Variants in PTGFRN observed in about 807,000 individuals in gnomAD.
The protein encoded by PTGFRN is prostaglandin F2 receptor negative regulator.
PTGFRN carries 35 observed loss-of-function variants against 83.2 expected under a neutral mutation model. The ratio of observed to expected loss-of-function variants is 0.42; its 90% CI spans 0.32 to 0.56. The LOEUF (loss-of-function observed/expected upper bound fraction) is 0.56, where lower values mean the gene tolerates loss of function less well. Ranked by LOEUF, PTGFRN falls within the 20% of genes least tolerant of loss-of-function variation. The probability of loss-of-function intolerance (pLI) is 0.11; values close to 1 mark genes in which losing one functional copy is unlikely to be tolerated. For synonymous variants in PTGFRN, 519 were observed against 498.6 expected, an observed-to-expected ratio of 1.04 and a Z score of -0.55; for missense variants, 1,051 against 1,179.5, an observed-to-expected ratio of 0.89 and a Z score of 1.60.
Position 116,961,988 on chromosome 1 carries a change from G to A in PTGFRN, c.1639+320G>A, listed in dbSNP as rs1011254099. Among the ~76,000 whole-genome samples the A allele has an allele frequency of 6.6e-6, 1 of 152,108 alleles. No individual in the cohort carries two copies. Among genetic ancestry groups the A allele is most frequent in the Admixed American group, 6.5e-5 (1 of 15,280 alleles). ...CTCTGAGGACACTCTTTCCCCTGGA[G>A]AAACCGTTACCTCTCTGAGGACAGT... On this transcript the variant is annotated intron_variant, in intron 5 of 8. Transcript: ENST00000393203. The surrounding 1 kb of genome is among the most constrained non-coding windows in gnomAD (Gnocchi z 5.4).
At chr1:116,931,531 C>A (rs1649803200) in intron 1 of PTGFRN, among the ~76,000 whole-genome samples, 1 of 146,368 alleles carries the variant, frequency 6.8e-6, no homozygotes, top group South Asian at 2.2e-4. Flanking sequence ...AAGCACTGTT[C>A]TAGTAGAACC....
intron 5 of PTGFRN, chr1:116,962,500 A>C (rs1306299277): frequency 1.3e-5 from 2 of 152,482 alleles, no homozygotes; most frequent in Non-Finnish European, 2.9e-5. Flanking sequence ...CATTCTGGGC[A>C]CTGGAATTTT....
intron 1 of PTGFRN, among the ~76,000 whole-genome samples, chr1:116,920,156 A>G (rs1290021225): frequency 6.6e-6 from 1 of 152,156 alleles, no homozygotes; most frequent in Non-Finnish European, 1.5e-5. Context: ...GGGCTCTGGA[A>G]ATTGTTCGGT....
At position 116,987,120 on chromosome 1, in the gene PTGFRN, G is replaced by A; in HGVS notation, c.*153G>A. 2.4e-6 allele frequency: 2 copies of A among 837,478 alleles called. No individual in the cohort carries two copies. Among genetic ancestry groups the A allele is most frequent in the Non-Finnish European group, 3.6e-6 (2 of 549,382 alleles). The allele number at this position is 837,478 out of a possible 1,614,324, so 51.9% of individuals were successfully genotyped here. On this transcript the variant is annotated 3_prime_UTR_variant, in exon 9 of 9. Coordinates refer to ENST00000393203, the MANE Select transcript of PTGFRN (RefSeq NM_020440.4). Reference sequence around the variant, plus strand: ...GCGCTCTCTCTTTTCTGCATGTCAAGTTCTGAGCGCGGACATGTTTACCAG... The same window carrying A: ...GCGCTCTCTCTTTTCTGCATGTCAAATTCTGAGCGCGGACATGTTTACCAG...
chr1:116,949,593 C>T (rs1285568824), intron 4 of PTGFRN, 21 bp downstream of exon 4: 1 of 1,594,730 alleles, frequency 6.3e-7, no homozygotes, highest in Non-Finnish European at 8.5e-7. Context: ...TGGAGAATGA[C>T]TCTTAACCTC....
chr1:116,947,601 T>G (rs1032792163), intron 3 of PTGFRN, among the ~76,000 whole-genome samples: 1 of 152,210 alleles, frequency 6.6e-6, no homozygotes, highest in African/African-American at 2.4e-5. Flanking sequence ...CTCTGTTTTC[T>G]CCATCCATAC....
chr1:116,946,639 C>G (rs1258484205), intron 3 of PTGFRN, among the ~76,000 whole-genome samples: 1 of 152,204 alleles, frequency 6.6e-6, no homozygotes, highest in Non-Finnish European at 1.5e-5. Flanking sequence ...CAGGTAATAT[C>G]TGGCTCTCAG....
chr1:116,950,730 A>G (rs948837291), intron 4 of PTGFRN, among the ~76,000 whole-genome samples: 1 of 152,120 alleles, frequency 6.6e-6, no homozygotes, highest in African/African-American at 2.4e-5. Context: ...AAGAAGAGCA[A>G]TGAGAGTAAG....
At chr1:116,973,882 C>G (rs151079494) in intron 6 of PTGFRN, among the ~76,000 whole-genome samples, 196 of 152,308 alleles carry the variant, frequency 1.3e-3, no homozygotes, top group African/African-American at 4.5e-3. Flanking sequence ...AGAAGTGAAC[C>G]ATGTTGAACT....
Position 116,986,921 on chromosome 1 carries a change from A to G in PTGFRN, c.2594A>G (p.Glu865Gly). 6.2e-7 allele frequency: 1 copy of G among 1,614,230 alleles called. No homozygotes were observed. Among genetic ancestry groups the G allele is most frequent in the Non-Finnish European group, 8.5e-7 (1 of 1,180,032 alleles). The change falls in exon 9 of 9, where the codon GAG (glutamate) becomes GGG (glycine). Residue 865 changes from glutamate to glycine, a missense_variant. By Grantham distance (98) the Glu-to-Gly change is moderately conservative. This residue lies in a region of PTGFRN where 719 missense variants were observed against 836.6 expected (regional missense o/e 0.86). Coordinates refer to ENST00000393203, the MANE Select transcript of PTGFRN (RefSeq NM_020440.4). ...SHWCCKKEVQETRRERRRLMS... is the reference protein window; with the variant it reads ...SHWCCKKEVQGTRRERRRLMS... Reference sequence around the variant, plus strand: ...TGGTGTTGTAAGAAGGAGGTTCAGGAGACACGGCGCGAGCGCCGCAGGCTC... The same window carrying G: ...TGGTGTTGTAAGAAGGAGGTTCAGGGGACACGGCGCGAGCGCCGCAGGCTC...
chr1:116,932,609 A>C (rs1649826495), intron 1 of PTGFRN, among the ~76,000 whole-genome samples: 1 of 146,240 alleles, frequency 6.8e-6, no homozygotes, highest in South Asian at 2.1e-4. Context: ...AATTTTTAAC[A>C]ATCCAGTTTC....
At chr1:116,964,672 A>G (rs542219989) in intron 5 of PTGFRN, among the ~76,000 whole-genome samples, 2 of 152,172 alleles carry the variant, frequency 1.3e-5, no homozygotes, top group African/African-American at 4.8e-5. Context: ...TCAATATTAC[A>G]TTGCCTCCTT....
intron 6 of PTGFRN, among the ~76,000 whole-genome samples, chr1:116,967,759 C>T (rs1650882587): frequency 6.6e-6 from 1 of 152,188 alleles, no homozygotes; most frequent in Admixed American, 6.5e-5. Flanking sequence ...TGTATCAGTG[C>T]TTTGTTCATT....
intron 7 of PTGFRN, among the ~76,000 whole-genome samples, 164 bp from the exon 8 acceptor site, chr1:116,984,516 A>C (rs973916233): frequency 5.9e-5 from 9 of 152,176 alleles, no homozygotes; most frequent in African/African-American, 2.2e-4. Flanking sequence ...GAATAAAAGT[A>C]TGATAGTGCC....
chr1:116,941,796 A>T lies in PTGFRN; in HGVS notation c.131A>T (p.Asn44Ile). 1 of 1,614,160 alleles carries T rather than the reference A, an allele frequency of 6.2e-7. No individual in the cohort carries two copies. The highest frequency in any genetic ancestry group is 1.1e-5 in the South Asian group (1 of 91,076). ...VVGTELVIPC[N>I]VSDYDGPSEQ... The stretch of plus-strand genomic sequence containing the variant: ...GGCACTGAGCTGGTCATCCCCTGCA[A>T]CGTCAGTGACTATGATGGCCCCAGC... The change falls in exon 2 of 9, where the codon AAC becomes ATC. Residue 44 changes from asparagine to isoleucine, a missense_variant. Physicochemically the swap from Asn to Ile is moderately radical, Grantham distance 149 (BLOSUM62 -3). Around this residue, in one of 3 missense-constraint regions of PTGFRN, gnomAD observed 127 missense variants for 168.4 expected, o/e 0.75. Coordinates refer to ENST00000393203, the MANE Select transcript of PTGFRN (RefSeq NM_020440.4). The surrounding 1 kb of genome is among the most constrained non-coding windows in gnomAD (Gnocchi z 5.0).
rs1421353290 is a variant in PTGFRN, at chr1:116,944,941, C to T, written c.681C>T (p.Ser227=). The T allele has an allele frequency of 6.2e-7, 1 of 1,613,118 alleles. No homozygotes were observed. Among genetic ancestry groups the T allele is most frequent in the Non-Finnish European group, 8.5e-7 (1 of 1,180,014 alleles). The change falls in exon 3 of 9, where the codon AGC becomes AGT. Residue 227 remains serine (S), a synonymous_variant. Transcript: ENST00000393203. The stretch of plus-strand genomic sequence containing the variant: ...ACGTGCGCCTCGACACCGTGGGCAG[C>T]GACGCCTACCGCCTCTCAGTGTCCC... ...SGDVRLDTVG[S]DAYRLSVSRA...
intron 1 of PTGFRN, among the ~76,000 whole-genome samples, chr1:116,912,961 T>C (rs1049158695): frequency 5.3e-5 from 8 of 152,240 alleles, no homozygotes; most frequent in African/African-American, 1.9e-4. Context: ...CCCAGCCACA[T>C]AGAGCAGGTT....
At chr1:116,985,282 A>C (rs1203238326) in intron 8 of PTGFRN, among the ~76,000 whole-genome samples, 1 of 152,200 alleles carries the variant, frequency 6.6e-6, no homozygotes, top group Non-Finnish European at 1.5e-5. Flanking sequence ...ATGGTGTCCG[A>C]GGGTTGGCAT....
intron 1 of PTGFRN, among the ~76,000 whole-genome samples, chr1:116,935,984 G>C (rs1255159715): frequency 3.3e-5 from 5 of 152,144 alleles, no homozygotes; most frequent in African/African-American, 1.2e-4. Flanking sequence ...CTTAGTAGCG[G>C]CATTTTTATG....
Sources: gnomAD v4.1 joint callset for allele counts (sites outside exome capture counted in the v4.1 genomes callset) on GRCh38, gnomAD v4.1.1 for gene constraint, gnomAD v4.1.1 regional missense constraint, Gnocchi (gnomAD v3.1) non-coding constraint, MANE v1.5 for transcripts, NCBI Gene and HGNC (gene_info 2026-07-23, HGNC 2026-07-21) for gene names.